Variants in DTNBP1 observed in about 807,000 individuals in gnomAD.
DTNBP1 encodes dystrobrevin binding protein 1.
In DTNBP1, 35 loss-of-function variants were observed where a neutral mutation model predicts 42.8. The observed-to-expected ratio is 0.82, with a 90% CI of 0.63 to 1.09. The LOEUF (loss-of-function observed/expected upper bound fraction) is 1.09, where lower values mean the gene tolerates loss of function less well. Among genes scored for constraint, DTNBP1 ranks in the 50% least tolerant of loss-of-function variants. The probability of loss-of-function intolerance (pLI) is 0.00; values close to 1 mark genes in which losing one functional copy is unlikely to be tolerated. For missense variants in DTNBP1, 457 were observed against 424.2 expected, an observed-to-expected ratio of 1.08 and a Z score of -0.68; for synonymous variants, 171 against 162.2, an observed-to-expected ratio of 1.05 and a Z score of -0.41.
chr6:15,619,025 G>T (rs1001482631), intron 5 of DTNBP1, among the ~76,000 whole-genome samples: 9 of 152,158 alleles, frequency 5.9e-5, no homozygotes, highest in African/African-American at 2.2e-4. Flanking sequence ...AGCTAAAAAC[G>T]TTGATCCCAG....
At position 15,527,224 on chromosome 6, in the gene DTNBP1, A is replaced by G. The variant is rs1163656641; in HGVS notation, c.668-2555T>C. Among the ~76,000 whole-genome samples the G allele has an allele frequency of 2.6e-5, 4 of 152,210 alleles. No homozygotes were observed. In the East Asian group the frequency reaches 7.7e-4, roughly 29 times the overall value. On this transcript the variant is annotated intron_variant, in intron 8 of 9. Coordinates refer to ENST00000344537, the MANE Select transcript of DTNBP1 (RefSeq NM_032122.5). ...AACTTCTATTTTTGGTTACGTTTTT[A>G]AAGTAAAAATATGGCAGAATGACAA...
intron 6 of DTNBP1, among the ~76,000 whole-genome samples, chr6:15,608,212 T>C (rs1758184952): frequency 6.6e-6 from 1 of 152,236 alleles, no homozygotes. Flanking sequence ...ATTATTTCTC[T>C]TTTTTAAAAA....
At chr6:15,606,680 G>A (rs1010893019) in intron 6 of DTNBP1, among the ~76,000 whole-genome samples, 14 of 152,060 alleles carry the variant, frequency 9.2e-5, no homozygotes, top group Non-Finnish European at 1.9e-4. Flanking sequence ...CGGATTTTTG[G>A]GAAAGCTACA....
At chr6:15,586,033 G>A (rs1776067582) in intron 7 of DTNBP1, 3 of 1,177,066 alleles carry the variant, frequency 2.5e-6, no homozygotes, top group Non-Finnish European at 3.1e-6. Context: ...GCACCGGTCT[G>A]GGACCATACC....
rs149548556 is a variant in DTNBP1 at position 15,650,919 on chromosome 6, A to G, written c.161+394T>C. ...TCTTGTTGTTTGTGCTTTTGATGTT[A>G]TATCTAAAAAGACCATACATTTTAA... On this transcript the variant is annotated intron_variant, in intron 3 of 9. Transcript: ENST00000344537. Among the ~76,000 whole-genome samples, 980 of 152,286 alleles carry G rather than the reference A, an allele frequency of 6.4e-3. 11 individuals are homozygous for G. Among genetic ancestry groups the G allele is most frequent in the African/African-American group, 0.023 (940 of 41,572 alleles).
intron 8 of DTNBP1, among the ~76,000 whole-genome samples, chr6:15,525,383 C>T (rs1772314868): frequency 6.6e-6 from 1 of 152,238 alleles, no homozygotes; most frequent in Non-Finnish European, 1.5e-5. Flanking sequence ...GAATGCCTGG[C>T]AGAAGCAAAT....
At chr6:15,617,649 T>C (rs747560357) in intron 5 of DTNBP1, among the ~76,000 whole-genome samples, 3 of 151,778 alleles carry the variant, frequency 2.0e-5, no homozygotes, top group African/African-American at 4.8e-5. Context: ...CAATAAACGA[T>C]GCTGGGATAA....
At chr6:15,650,896 T>C (rs1760955020) in intron 3 of DTNBP1, among the ~76,000 whole-genome samples, 5 of 152,194 alleles carry the variant, frequency 3.3e-5, no homozygotes. Context: ...AATTTTTATC[T>C]TGTTGTTTGT....
At chr6:15,631,565 CTT>C (rs1759695423) in intron 4 of DTNBP1, among the ~76,000 whole-genome samples, 1 of 152,204 alleles carries the variant, frequency 6.6e-6, no homozygotes, top group Non-Finnish European at 1.5e-5. Context: ...TAATACCACA[CTT>C]TTCCCTGCAG....
chr6:15,609,728 G>A (rs1330960515), intron 6 of DTNBP1, among the ~76,000 whole-genome samples: 1 of 152,164 alleles, frequency 6.6e-6, no homozygotes, highest in Non-Finnish European at 1.5e-5. Context: ...CATTTTGGAA[G>A]CTTTCTTAAT....
chr6:15,558,804 T>C (rs1313794979), intron 7 of DTNBP1, among the ~76,000 whole-genome samples: 1 of 152,216 alleles, frequency 6.6e-6, no homozygotes, highest in South Asian at 2.1e-4. Flanking sequence ...TTTTGAGCTA[T>C]TTACAGTTTT....
chr6:15,592,979 T>A, intron 7 of DTNBP1, 80 bp downstream of exon 7: 1 of 1,339,272 alleles, frequency 7.5e-7, no homozygotes, highest in South Asian at 1.4e-5. Context: ...AAAAAATGAG[T>A]TTGTTCATCA....
At chr6:15,524,488 C>T in intron 9 of DTNBP1, 38 bp downstream of exon 9, 1 of 1,611,910 alleles carries the variant, frequency 6.2e-7, no homozygotes, top group Non-Finnish European at 8.5e-7. Flanking sequence ...GGCATCGATA[C>T]TGCCCTGGTT....
intron 4 of DTNBP1, among the ~76,000 whole-genome samples, chr6:15,629,449 TTAAC>T (rs1262042372): frequency 3.3e-5 from 5 of 152,180 alleles, no homozygotes; most frequent in African/African-American, 7.2e-5. Flanking sequence ...ATATTGAAAT[TTAAC>T]TACAGTTTAG....
intron 4 of DTNBP1, among the ~76,000 whole-genome samples, chr6:15,630,263 T>C (rs1441427222): frequency 6.6e-6 from 1 of 152,164 alleles, no homozygotes; most frequent in Non-Finnish European, 1.5e-5. Flanking sequence ...GCAGAATAAG[T>C]AGTGTTAAGC....
At chr6:15,536,815 T>G (rs1405242199) in intron 7 of DTNBP1, among the ~76,000 whole-genome samples, 1 of 152,210 alleles carries the variant, frequency 6.6e-6, no homozygotes, top group Non-Finnish European at 1.5e-5. Flanking sequence ...CTGGAAAAGA[T>G]GCAGGCATTC....
intron 7 of DTNBP1, among the ~76,000 whole-genome samples, chr6:15,590,832 T>C (rs1581367802): frequency 6.6e-6 from 1 of 152,188 alleles, no homozygotes; most frequent in Non-Finnish European, 1.5e-5. Flanking sequence ...TGGTGGATGA[T>C]ATTAATCTAC....
intron 1 of DTNBP1, chr6:15,660,232 A>T (rs565104182): frequency 1.6e-5 from 11 of 691,820 alleles, no homozygotes; most frequent in South Asian, 1.5e-4. Context: ...TTTGAATTCC[A>T]CATTACCAAC....
At chr6:15,600,397 A>G (rs1478297377) in intron 6 of DTNBP1, among the ~76,000 whole-genome samples, 1 of 152,192 alleles carries the variant, frequency 6.6e-6, no homozygotes, top group East Asian at 1.9e-4. Context: ...TGAGACTTCC[A>G]TGAGTTAATT....
Sources: gnomAD v4.1 joint callset for allele counts (sites outside exome capture counted in the v4.1 genomes callset) on GRCh38, gnomAD v4.1.1 for gene constraint, MANE v1.5 for transcripts, NCBI Gene and HGNC (gene_info 2026-07-23, HGNC 2026-07-21) for gene names.